GLT6D1: variants seen among roughly 807,000 people sequenced by gnomAD.
GLT6D1 encodes putative glycosyltransferase 6 domain-containing protein 1.
Under a neutral mutation model 12.3 loss-of-function variants are expected in GLT6D1, and 9 were observed. That is an observed-to-expected ratio of 0.73 (90% CI 0.44 to 1.27). GLT6D1 has a LOEUF of 1.27. Ranked by LOEUF, GLT6D1 falls within the 50% of genes most tolerant of loss-of-function variation. The pLI is 0.00. For synonymous variants in GLT6D1, 128 were observed against 132.3 expected (o/e 0.97, Z 0.23); for missense variants, 335 against 346.2 (o/e 0.97, Z 0.26).
Position 135,639,199 on chromosome 9 carries a change from G to C in GLT6D1, c.-6-6C>G. ...CTTTTAGAATTCATTCTCTCCTAGG[G>C]AAAGAAGGAGAAAAAATTAGATTTT... On this transcript the variant is annotated splice_polypyrimidine_tract_variant and splice_region_variant and intron_variant, in intron 1 of 4. Transcript: ENST00000371763. 1 of 1,436,630 alleles carries C rather than the reference G, an allele frequency of 7.0e-7. No homozygotes were observed. Among genetic ancestry groups the C allele is most frequent in the Non-Finnish European group, 9.7e-7 (1 of 1,030,886 alleles). The allele number at this position is 1,436,630 out of a possible 1,614,324, so 89.0% of individuals were successfully genotyped here.
intron 2 of GLT6D1, among the ~76,000 whole-genome samples, chr9:135,635,800 C>T (rs186978762): frequency 1.1e-4 from 16 of 152,300 alleles, no homozygotes; most frequent in Admixed American, 7.8e-4. Context: ...GTAAGGTAAA[C>T]GTGAGTTCAC....
At chr9:135,640,220 A>T (rs561647611), upstream of GLT6D1, among the ~76,000 whole-genome samples, 1 of 152,314 alleles carries the variant, frequency 6.6e-6, no homozygotes, top group African/African-American at 2.4e-5. Context: ...TGTACAAAAC[A>T]CATGGGGTCT....
chr9:135,630,906 T>G (rs1414856711), intron 3 of GLT6D1, among the ~76,000 whole-genome samples: 1 of 152,058 alleles, frequency 6.6e-6, no homozygotes, highest in Non-Finnish European at 1.5e-5. Flanking sequence ...ATCAAAAATT[T>G]TAAATGTCTG....
At chr9:135,634,462 T>TTTTTTTTTTTTTTTTC (rs1833723272) in intron 2 of GLT6D1, among the ~76,000 whole-genome samples, 1 of 145,742 alleles carries the variant, frequency 6.9e-6, no homozygotes. Context: ...TTTTTTTTTT[T>TTTTTTTTTTTTTTTTC]TTGGCATGAT....
intron 2 of GLT6D1, 42 bp from the exon 3 acceptor site, chr9:135,631,520 T>A: frequency 6.9e-7 from 1 of 1,456,240 alleles, no homozygotes; most frequent in Non-Finnish European, 9.7e-7. Flanking sequence ...AGGAGCCTGT[T>A]CAATGTTTAT....
upstream of GLT6D1, among the ~76,000 whole-genome samples, chr9:135,639,999 G>A: frequency 6.6e-6 from 1 of 152,104 alleles, no homozygotes; most frequent in East Asian, 1.9e-4. Flanking sequence ...TTTTAGTGGA[G>A]ACGGGGTTTC....
chr9:135,625,757 C>G (rs1258487092), intron 4 of GLT6D1, among the ~76,000 whole-genome samples: 1 of 152,202 alleles, frequency 6.6e-6, no homozygotes, highest in Admixed American at 6.5e-5. Context: ...CCCAAGTACT[C>G]AGCCTATGAG....
intron 3 of GLT6D1, among the ~76,000 whole-genome samples, chr9:135,626,435 C>T (rs1391085869): frequency 6.6e-6 from 1 of 152,212 alleles, no homozygotes; most frequent in Admixed American, 6.5e-5. Flanking sequence ...AGTTGCCTGA[C>T]ACTGCAGTTA....
chr9:135,623,671 T>G lies in GLT6D1; in HGVS notation c.*426A>C, dbSNP rs956277223. 8.1e-6 allele frequency: 1 copy of G among 122,902 alleles called. No homozygotes were observed. Among genetic ancestry groups the G allele is most frequent in the African/African-American group, 3.5e-5 (1 of 28,234 alleles). 7.6% of individuals were successfully genotyped at this position (122,902 alleles called of 1,614,324 possible). A position where few individuals can be genotyped will look rare whatever the true frequency, so the allele number is the denominator to read the frequency against. Reference sequence around the variant, plus strand: ...AGTGAGTGGCCTGGCATTTATTTTTTCCTTTGCGTGAACTACTTTTCCATT... The same window carrying G: ...AGTGAGTGGCCTGGCATTTATTTTTGCCTTTGCGTGAACTACTTTTCCATT... On this transcript the variant is annotated 3_prime_UTR_variant, in exon 5 of 5. Transcript: ENST00000371763.
At position 135,624,183 on chromosome 9, in the gene GLT6D1, C is replaced by T. The variant is rs772607169; in HGVS notation, c.745G>A (p.Gly249Arg). The change falls in exon 5 of 5, where the codon GGA (glycine) becomes AGA (arginine). Residue 249 changes from glycine (G) to arginine (R), a missense_variant. By Grantham distance (125) the Gly-to-Arg change is moderately radical. Coordinates refer to ENST00000371763, the MANE Select transcript of GLT6D1 (RefSeq NM_182974.3). Reference protein sequence around the residue: ...ILDFIKEYLNGVIHDIKNGLN... With the variant: ...ILDFIKEYLNRVIHDIKNGLN... ...CCATTTTTGATGTCATGAATAACTC[C>T]GTTCAGATATTCTTTGATGAAGTCT... 44 of 1,612,426 alleles carry T rather than the reference C, an allele frequency of 2.7e-5. No homozygotes were observed. The Admixed American group carries it at 5.7e-4, about 21-fold the overall frequency.
intron 2 of GLT6D1, among the ~76,000 whole-genome samples, chr9:135,634,782 C>T (rs113758228): frequency 2.7e-5 from 4 of 150,868 alleles, no homozygotes; most frequent in Non-Finnish European, 5.9e-5. Flanking sequence ...CCACCCAGCA[C>T]GCCACACTCC....
Position 135,624,159 on chromosome 9 carries a change from C to A in GLT6D1, c.769G>T (p.Gly257Ter), listed in dbSNP as rs745696333. 2 of 1,613,550 alleles carry A rather than the reference C, an allele frequency of 1.2e-6. No homozygotes were observed. Among genetic ancestry groups the A allele is most frequent in the African/African-American group, 1.3e-5 (1 of 74,882 alleles). Residue 257 changes from glycine to a stop codon, truncating the protein, a stop_gained, in exon 5 of 5, where the codon GGA becomes TGA. Coordinates refer to ENST00000371763, the MANE Select transcript of GLT6D1 (RefSeq NM_182974.3). LOFTEE classifies it low-confidence loss of function (END_TRUNC). Reference sequence around the variant, plus strand: ...TGCTTTTCATAAGTGCTATTGAGTCCATTTTTGATGTCATGAATAACTCCG... The same window carrying A: ...TGCTTTTCATAAGTGCTATTGAGTCAATTTTTGATGTCATGAATAACTCCG... The part of the protein sequence containing the change: ...LNGVIHDIKN[G>*]LNSTYEKHLN...
rs1204608087 is a variant in GLT6D1 at position 135,626,247 on chromosome 9, G to A, written c.120-41C>T. The A allele has an allele frequency of 1.1e-5, 18 of 1,606,662 alleles. No homozygotes were observed. In the South Asian group the frequency reaches 2.0e-4, roughly 18 times the overall value. ...CAAGTTAAACAGGGAGTGCTTTACT[G>A]AGGCGCCGGCAGCAGGTGCCGAGCA... On this transcript the variant is annotated intron_variant, in intron 3 of 4. Coordinates refer to ENST00000371763, the MANE Select transcript of GLT6D1 (RefSeq NM_182974.3).
chr9:135,624,334 C>A lies in GLT6D1; in HGVS notation c.594G>T (p.Trp198Cys). 2.5e-6 allele frequency: 4 copies of A among 1,611,870 alleles called. No homozygotes were observed. In the South Asian group the frequency reaches 4.4e-5, roughly 18 times the overall value. Residue 198 changes from tryptophan (W) to cysteine (C), a missense_variant, in exon 5 of 5, where the codon TGG (tryptophan) becomes TGT (cysteine). By Grantham distance (215) the Trp-to-Cys change is radical. Transcript: ENST00000371763. ...GGAAGTTCTTGGTGTTTCTGAAATA[C>A]CACCAGGCGTGGAGCTGGGCCACCA... ...GPLVAQLHAW[W>C]YFRNTKNFPY... is the part of the protein sequence containing the mutation.
At chr9:135,637,499 T>C (rs1833802419) in intron 2 of GLT6D1, among the ~76,000 whole-genome samples, 1 of 151,984 alleles carries the variant, frequency 6.6e-6, no homozygotes, top group Non-Finnish European at 1.5e-5. Flanking sequence ...ACATTTTGCA[T>C]TCCCACCAGC....
At position 135,639,273 on chromosome 9, in the gene GLT6D1, T is replaced by C; in HGVS notation, c.-7+20A>G. 2.6e-6 allele frequency: 2 copies of C among 759,412 alleles called. No individual in the cohort carries two copies. Among genetic ancestry groups the C allele is most frequent in the Non-Finnish European group, 4.4e-6 (2 of 452,790 alleles). 47.0% of individuals were successfully genotyped at this position (759,412 alleles called of 1,614,324 possible). ...GTCATCATCTAACAATGGGTTAATG[T>C]ATGGGCATTGGACACCAACCTTAGA... On this transcript the variant is annotated intron_variant, in intron 1 of 4. Transcript: ENST00000371763.
At chr9:135,629,890 A>G (rs1833599444) in intron 3 of GLT6D1, among the ~76,000 whole-genome samples, 1 of 151,878 alleles carries the variant, frequency 6.6e-6, no homozygotes, top group African/African-American at 2.4e-5. Flanking sequence ...TTTGTCTGAT[A>G]TTTGTATAGA....
intron 2 of GLT6D1, among the ~76,000 whole-genome samples, chr9:135,636,767 A>C (rs1833782665): frequency 6.6e-6 from 1 of 152,186 alleles, no homozygotes; most frequent in African/African-American, 2.4e-5. Flanking sequence ...TACAGCACGC[A>C]GCCTTTTCAG....
intron 4 of GLT6D1, among the ~76,000 whole-genome samples, chr9:135,625,582 C>A (rs1833492005): frequency 6.6e-6 from 1 of 152,188 alleles, no homozygotes; most frequent in Non-Finnish European, 1.5e-5. Flanking sequence ...TTCTTATCAG[C>A]CTGCTCAGCT....
Sources: gnomAD v4.1 joint callset for allele counts (sites outside exome capture counted in the v4.1 genomes callset) on GRCh38, gnomAD v4.1.1 for gene constraint, MANE v1.5 for transcripts, NCBI Gene and HGNC (gene_info 2026-07-23, HGNC 2026-07-21) for gene names.